The following THUMPD2 variants were observed in gnomAD, a reference collection of about 807,000 sequenced individuals.
THUMPD2 encodes U6 snRNA (guanine-N(2))-methyltransferase THUMPD2.
Under a neutral mutation model 49.4 loss-of-function variants are expected in THUMPD2, and 56 were observed. The ratio of observed to expected loss-of-function variants is 1.13; its 90% CI spans 0.91 to 1.41. The LOEUF (loss-of-function observed/expected upper bound fraction) is 1.41, where lower values mean the gene tolerates loss of function less well. Among genes scored for constraint, THUMPD2 ranks in the 40% most tolerant of loss-of-function variants. The pLI is 0.00. For missense variants in THUMPD2, 709 were observed against 594.5 expected, an observed-to-expected ratio of 1.19 and a Z score of -2.00; for synonymous variants, 237 against 205.2, an observed-to-expected ratio of 1.15 and a Z score of -1.32.
intron 8 of THUMPD2, among the ~76,000 whole-genome samples, chr2:39,754,789 G>A (rs1386139785): frequency 6.6e-6 from 1 of 152,170 alleles, no homozygotes; most frequent in Non-Finnish European, 1.5e-5. Context: ...CAACTGTCCT[G>A]GTTTACTCCA....
rs565997039 is a variant in THUMPD2 at position 39,760,762 on chromosome 2, C to T, written c.891+569G>A. Among the ~76,000 whole-genome samples the T allele has an allele frequency of 4.6e-5, 7 of 151,996 alleles. No individual in the cohort carries two copies. The South Asian group carries it at 8.3e-4, about 18-fold the overall frequency. On this transcript the variant is annotated intron_variant, in intron 6 of 9. Coordinates refer to ENST00000505747, the MANE Select transcript of THUMPD2 (RefSeq NM_025264.5). ...ACCAAGATAAAGAGGACTTAAGTAA[C>T]AAAAAGGCACACTTCACAATGATGT...
chr2:39,763,550 TA>T (rs966459893), intron 5 of THUMPD2, among the ~76,000 whole-genome samples: 7 of 152,308 alleles, frequency 4.6e-5, no homozygotes, highest in Admixed American at 2.6e-4. Flanking sequence ...CAGTATTTAC[TA>T]ATTGTTCAAA....
intron 3 of THUMPD2, 86 bp from the exon 4 acceptor site, chr2:39,768,587 A>C (rs1677866996): frequency 1.0e-5 from 11 of 1,059,394 alleles, no homozygotes; most frequent in Admixed American, 6.7e-5. Context: ...AGTAGCCTAT[A>C]AGAAAATCAA....
At chr2:39,763,214 G>A (rs974110324) in intron 5 of THUMPD2, among the ~76,000 whole-genome samples, 2 of 150,778 alleles carry the variant, frequency 1.3e-5, no homozygotes, top group Non-Finnish European at 3.0e-5. Flanking sequence ...AGACAAAGAC[G>A]TCCTAATCTA....
chr2:39,770,227 T>A, intron 2 of THUMPD2, 108 bp from the exon 3 acceptor site: 1 of 729,450 alleles, frequency 1.4e-6, no homozygotes, highest in Non-Finnish European at 2.0e-6. Context: ...TAAGTTTTAT[T>A]AAATTGCTAC....
chr2:39,763,277 G>A (rs545519724), intron 5 of THUMPD2, among the ~76,000 whole-genome samples: 13 of 151,604 alleles, frequency 8.6e-5, no homozygotes, highest in African/African-American at 2.9e-4. Flanking sequence ...CTTCAAATAT[G>A]TGCTTGAACA....
At chr2:39,753,549 TACTA>T (rs1205312554) in intron 8 of THUMPD2, among the ~76,000 whole-genome samples, 1 of 152,148 alleles carries the variant, frequency 6.6e-6, no homozygotes, top group African/African-American at 2.4e-5. Context: ...TATACTGAGG[TACTA>T]ACTTGACATC....
At chr2:39,777,857 G>C (rs1410449898) in intron 1 of THUMPD2, among the ~76,000 whole-genome samples, 1 of 152,174 alleles carries the variant, frequency 6.6e-6, no homozygotes, top group African/African-American at 2.4e-5. Context: ...AACAAGCAGA[G>C]AGTCTTTCCT....
intron 6 of THUMPD2, 128 bp from the exon 7 acceptor site, chr2:39,756,088 G>T (rs764898522): frequency 5.0e-5 from 40 of 798,662 alleles, no homozygotes; most frequent in Non-Finnish European, 7.6e-5. Context: ...GTGGCTGAAG[G>T]GACAGATGGG....
chr2:39,736,972 AG>A lies in THUMPD2; in HGVS notation c.1274del (p.Pro425LeufsTer18), dbSNP rs777565936. On this transcript the variant is annotated frameshift_variant, in exon 10 of 10. Transcript: ENST00000505747. LOFTEE classifies it low-confidence loss of function (END_TRUNC). Reference sequence around the variant, plus strand: ...CTGTGTGACTGTCCTTGGAATTGAAAGGGATGTTGCTCTCTTTACAATCTGT... The same window carrying A: ...CTGTGTGACTGTCCTTGGAATTGAAAGGATGTTGCTCTCTTTACAATCTGT... Reference protein sequence around the residue: ...RLTDCKESNIPFNSKDSHTDE... With the variant: ...RLTDCKESNIXFNSKDSHTDE... The A allele has an allele frequency of 6.2e-7, 1 of 1,614,024 alleles. No homozygotes were observed. Among genetic ancestry groups the A allele is most frequent in the African/African-American group, 1.3e-5 (1 of 74,918 alleles).
chr2:39,761,351 C>T lies in THUMPD2; in HGVS notation c.871G>A (p.Ala291Thr), dbSNP rs369257127. 1.1e-4 allele frequency: 177 copies of T among 1,613,492 alleles called. No individual in the cohort carries two copies. Among genetic ancestry groups the T allele is most frequent in the Middle Eastern group, 4.9e-4 (3 of 6,082 alleles). Residue 291 changes from alanine to threonine, a missense_variant, in exon 6 of 10, where the codon GCA becomes ACA. By Grantham distance (58) the Ala-to-Thr change is moderately conservative. Coordinates refer to ENST00000505747, the MANE Select transcript of THUMPD2 (RefSeq NM_025264.5). ...GLRSTIAWAM[A>T]SLADIKAGAF... ...CTTACCTTAATGTCAGCCAGAGATG[C>T]CATTGCCCACGCTATTGTAGATCGC... is the stretch of plus-strand genomic sequence containing the variant.
chr2:39,762,507 T>C (rs1676948262), intron 5 of THUMPD2, among the ~76,000 whole-genome samples: 2 of 152,108 alleles, frequency 1.3e-5, no homozygotes, highest in Non-Finnish European at 2.9e-5. Flanking sequence ...GAGGAAGTTC[T>C]ACATGGCAAA....
At chr2:39,738,369 C>T (rs1389989875) in intron 9 of THUMPD2, among the ~76,000 whole-genome samples, 2 of 151,966 alleles carry the variant, frequency 1.3e-5, no homozygotes, top group Non-Finnish European at 2.9e-5. Context: ...TTGAGACCAG[C>T]CTGGGCAACA....
intron 8 of THUMPD2, 38 bp from the exon 9 acceptor site, chr2:39,744,516 G>A (rs568728722): frequency 2.3e-5 from 30 of 1,297,816 alleles, no homozygotes; most frequent in Non-Finnish European, 3.2e-5. Flanking sequence ...TTACAGTAGG[G>A]TCAAATATTT....
chr2:39,757,259 G>A, intron 6 of THUMPD2: 1 of 595,806 alleles, frequency 1.7e-6, no homozygotes, highest in Non-Finnish European at 2.9e-6. Context: ...CCACTGTCAG[G>A]CCCAGTCGTG....
In THUMPD2 at chr2:39,769,978, C is replaced by G. The variant is rs1678095710; in HGVS notation, c.404G>C (p.Arg135Thr). The G allele has an allele frequency of 1.3e-6, 2 of 1,579,070 alleles. No homozygotes were observed. Among genetic ancestry groups the G allele is most frequent in the Admixed American group, 2.0e-5 (1 of 50,518 alleles). ...LSQRDDNQLK[R>T]KVGENEIIAK... is the part of the protein sequence containing the mutation. ...AATGATTTCATTTTCTCCCACTTTT[C>G]TTTTTAGTTGGTTATCATCTCTCTG... is the stretch of plus-strand genomic sequence containing the variant. Residue 135 changes from arginine to threonine, a missense_variant, in exon 3 of 10, where the codon AGA becomes ACA. Physicochemically the swap from Arg to Thr is moderately conservative, Grantham distance 71. Transcript: ENST00000505747.
At chr2:39,760,110 A>T (rs1268124328) in intron 6 of THUMPD2, among the ~76,000 whole-genome samples, 3 of 152,212 alleles carry the variant, frequency 2.0e-5, no homozygotes, top group Non-Finnish European at 4.4e-5. Flanking sequence ...GAAACCCAAG[A>T]GCATACTCAA....
intron 8 of THUMPD2, among the ~76,000 whole-genome samples, chr2:39,752,840 G>A (rs1675594042): frequency 6.6e-6 from 1 of 152,160 alleles, no homozygotes; most frequent in Non-Finnish European, 1.5e-5. Context: ...AGTATCAACA[G>A]TGGAGAAGAG....
intron 9 of THUMPD2, among the ~76,000 whole-genome samples, chr2:39,740,820 C>A (rs1243453677): frequency 6.6e-6 from 1 of 152,134 alleles, no homozygotes; most frequent in Non-Finnish European, 1.5e-5. Flanking sequence ...GATCCTCCTA[C>A]TTTAGCCTTC....
Sources: gnomAD v4.1 joint callset for allele counts (sites outside exome capture counted in the v4.1 genomes callset) on GRCh38, gnomAD v4.1.1 for gene constraint, MANE v1.5 for transcripts, NCBI Gene and HGNC (gene_info 2026-07-23, HGNC 2026-07-21) for gene names.